Variants in RAC1 observed in about 807,000 individuals in gnomAD.
RAC1 encodes the protein Rac family small GTPase 1.
Under a neutral mutation model 25.2 loss-of-function variants are expected in RAC1, and 2 were observed. That is an observed-to-expected ratio of 0.08 (90% CI 0.03 to 0.25). The LOEUF is 0.25. RAC1 is among the 10% of genes least tolerant of loss of function. The pLI is 1.00. For missense variants in RAC1, 50 were observed against 235.7 expected (o/e 0.21, Z 5.16); for synonymous variants, 88 against 94.0 (o/e 0.94, Z 0.37).
At position 6,390,028 on chromosome 7, in the gene RAC1, TCCTTCCC is replaced by T. The variant is rs1562465896; in HGVS notation, c.108-1895_108-1889del. ...TCTCCCTCCTTCCCTCCTCTCCTAC[TCCTTCCC>T]TCCTTCCCTCCTTCCTTCTCCTTTC... On this transcript the variant is annotated intron_variant, in intron 2 of 5. Coordinates refer to ENST00000348035, the MANE Select transcript of RAC1 (RefSeq NM_006908.5). Among the ~76,000 whole-genome samples, 7 of 60,338 alleles carry T rather than the reference TCCTTCCC, an allele frequency of 1.2e-4. 1 individual carries two copies. In the East Asian group the frequency reaches 3.3e-3, roughly 29 times the overall value. 39.6% of individuals were successfully genotyped at this position (60,338 alleles called of 152,430 possible).
chr7:6,400,783 C>G (rs1783377117), intron 4 of RAC1, among the ~76,000 whole-genome samples: 1 of 152,036 alleles, frequency 6.6e-6, no homozygotes, highest in Non-Finnish European at 1.5e-5. Context: ...TCAAGTGATT[C>G]TCATGCCTCA....
intron 1 of RAC1, 109 bp from the exon 2 acceptor site, chr7:6,387,103 G>C: frequency 1.5e-6 from 1 of 674,192 alleles, no homozygotes; most frequent in Non-Finnish European, 2.6e-6. Context: ...TGCTAAGTAT[G>C]TGATGTATAT....
At chr7:6,379,455 T>C (rs1782703150) in intron 1 of RAC1, among the ~76,000 whole-genome samples, 1 of 152,044 alleles carries the variant, frequency 6.6e-6, no homozygotes, top group South Asian at 2.1e-4. Flanking sequence ...GTATTTTTAA[T>C]AGAGACGAGG....
chr7:6,397,030 C>CAA (rs1449697913), intron 3 of RAC1, among the ~76,000 whole-genome samples: 2 of 49,778 alleles, frequency 4.0e-5, no homozygotes. Flanking sequence ...GACTCCCTCT[C>CAA]AAAAACAAAA....
At chr7:6,400,100 T>C (rs750232287) in intron 3 of RAC1, 26 bp from the exon 4 acceptor site, 1 of 1,587,254 alleles carries the variant, frequency 6.3e-7, no homozygotes, top group Non-Finnish European at 8.7e-7. Context: ...GTTGTCTAAA[T>C]GTTTCCCTGT....
intron 1 of RAC1, among the ~76,000 whole-genome samples, chr7:6,377,142 C>T (rs1782627327): frequency 6.6e-6 from 1 of 151,640 alleles, no homozygotes; most frequent in Admixed American, 6.6e-5. Flanking sequence ...GTTTCTACTA[C>T]TGAGACTCTG....
At chr7:6,379,572 G>C (rs966449108) in intron 1 of RAC1, among the ~76,000 whole-genome samples, 1 of 152,016 alleles carries the variant, frequency 6.6e-6, no homozygotes, top group African/African-American at 2.4e-5. Context: ...ACTACGCCTG[G>C]CAATTTTTTG....
At chr7:6,395,060 T>A (rs836473) in intron 3 of RAC1, among the ~76,000 whole-genome samples, 85,216 of 151,960 alleles carry the variant, frequency 0.56, 26,203 homozygotes, top group East Asian at 0.9. Context: ...TTCACCATGT[T>A]AGCCAGGATG....
rs2115177190 is a variant in RAC1, at chr7:6,374,761, T to G, written c.26T>G (p.Val9Gly). The G allele has an allele frequency of 1.7e-6, 2 of 1,146,818 alleles. No homozygotes were observed. Among genetic ancestry groups the G allele is most frequent in the Non-Finnish European group, 2.2e-6 (2 of 926,504 alleles). 71.0% of individuals were successfully genotyped at this position (1,146,818 alleles called of 1,614,324 possible). The change falls in exon 1 of 6, where the codon GTG becomes GGG. Residue 9 changes from valine (V) to glycine (G), a missense_variant. By Grantham distance (109) the Val-to-Gly change is moderately radical (BLOSUM62 -3). Transcript: ENST00000348035. ...ATGCAGGCCATCAAGTGTGTGGTGG[T>G]GGGAGACGGGTGAGTGCGCGGCCGG... MQAIKCVV[V>G]GDGAVGKTCL... is the part of the protein sequence containing the mutation.
intron 2 of RAC1, among the ~76,000 whole-genome samples, chr7:6,388,287 C>CACCCAGGTGCTCTCTGAAGTGTCGT (rs1782980185): frequency 2.6e-5 from 4 of 151,612 alleles, no homozygotes; most frequent in Non-Finnish European, 5.9e-5. Flanking sequence ...GCACAACACA[C>CACCCAGGTGCTCTCTGAAGTGTCGT]ACCCAGGTGC....
At chr7:6,375,043 C>T (rs1428013896) in intron 1 of RAC1, among the ~76,000 whole-genome samples, 1 of 151,558 alleles carries the variant, frequency 6.6e-6, no homozygotes, top group African/African-American at 2.4e-5. Flanking sequence ...GGCTTTCTTC[C>T]CGGACGCCGC....
intron 3 of RAC1, chr7:6,399,824 A>T: frequency 2.8e-6 from 1 of 363,410 alleles, no homozygotes; most frequent in Non-Finnish European, 5.0e-6. Context: ...TTCATTTTAG[A>T]TAGTTAGGCG....
At chr7:6,388,463 G>A (rs886329603) in intron 2 of RAC1, among the ~76,000 whole-genome samples, 1 of 148,988 alleles carries the variant, frequency 6.7e-6, no homozygotes, top group African/African-American at 2.5e-5. Flanking sequence ...CTCTGCCTCA[G>A]CCTCCCAGGT....
intron 1 of RAC1, among the ~76,000 whole-genome samples, chr7:6,384,140 C>G (rs548495713): frequency 1.3e-5 from 2 of 152,042 alleles, no homozygotes; most frequent in African/African-American, 4.8e-5. Context: ...TTAGGCTCCA[C>G]TTTCTTCCTC....
intron 1 of RAC1, among the ~76,000 whole-genome samples, chr7:6,377,719 A>G (rs1222326770): frequency 6.6e-6 from 1 of 152,192 alleles, no homozygotes; most frequent in Non-Finnish European, 1.5e-5. Flanking sequence ...GTTTGAGACC[A>G]GTCTGGCCAA....
At chr7:6,380,171 C>T (rs912319128) in intron 1 of RAC1, among the ~76,000 whole-genome samples, 6 of 152,202 alleles carry the variant, frequency 3.9e-5, no homozygotes, top group African/African-American at 1.2e-4. Flanking sequence ...ACGGTGGTGG[C>T]GTGAACCATG....
intron 2 of RAC1, among the ~76,000 whole-genome samples, chr7:6,391,074 T>G (rs1349920999): frequency 6.6e-6 from 1 of 152,152 alleles, no homozygotes; most frequent in African/African-American, 2.4e-5. Context: ...ATTTTTGCAT[T>G]TTTAGTAGAC....
At chr7:6,382,516 T>C (rs537704056) in intron 1 of RAC1, among the ~76,000 whole-genome samples, 10 of 152,202 alleles carry the variant, frequency 6.6e-5, no homozygotes, top group Non-Finnish European at 1.5e-4. Context: ...TTTTGGTTTA[T>C]AGATTTCAGG....
At position 6,403,483 on chromosome 7, in the gene RAC1, GTTT is replaced by G. The variant is rs1276557612; in HGVS notation, c.*1042_*1044del. 4.6e-6 allele frequency: 1 copy of G among 218,180 alleles called. No individual in the cohort carries two copies. Among genetic ancestry groups the G allele is most frequent in the East Asian group, 6.8e-5 (1 of 14,678 alleles). The allele number at this position is 218,180 out of a possible 1,614,324, so 13.5% of individuals were successfully genotyped here. A position where few individuals can be genotyped will look rare whatever the true frequency, so the allele number is the denominator to read the frequency against. On this transcript the variant is annotated 3_prime_UTR_variant, in exon 6 of 6. Coordinates refer to ENST00000348035, the MANE Select transcript of RAC1 (RefSeq NM_006908.5). The stretch of plus-strand genomic sequence containing the variant: ...AATCTTTCTGATAATGCATTAGAAG[GTTT>G]TTTTGTCGATTAGTAAAAGTGCTTT...
Sources: allele counts gnomAD v4.1 joint callset (sites outside exome capture counted in the v4.1 genomes callset), GRCh38; gene constraint gnomAD v4.1.1; transcripts MANE v1.5; gene names NCBI Gene and HGNC (gene_info 2026-07-23, HGNC 2026-07-21).